Variants in TGIF2 observed in about 807,000 individuals in gnomAD.
TGIF2 encodes homeobox protein TGIF2.
TGIF2 carries 5 observed loss-of-function variants against 15.1 expected under a neutral mutation model. The observed-to-expected ratio is 0.33, with a 90% CI of 0.17 to 0.70. The LOEUF (loss-of-function observed/expected upper bound fraction) is 0.70. Among genes scored for constraint, TGIF2 ranks in the 30% least tolerant of loss-of-function variants. The pLI, the probability that TGIF2 is intolerant of heterozygous loss-of-function variation, is 0.67. For synonymous variants in TGIF2, 131 were observed against 128.9 expected (o/e 1.02, Z -0.11); for missense variants, 264 against 302.5 (o/e 0.87, Z 0.94).
chr20:36,577,381 T>G (rs1257186504), intron 1 of TGIF2, among the ~76,000 whole-genome samples: 1 of 128,010 alleles, frequency 7.8e-6, no homozygotes, highest in Non-Finnish European at 1.7e-5. Flanking sequence ...TTTTTTTTTT[T>G]GGTATTTTTA....
intron 2 of TGIF2, among the ~76,000 whole-genome samples, chr20:36,587,752 T>A (rs76409697): frequency 0.018 from 2,706 of 152,124 alleles, 103 homozygotes; most frequent in African/African-American, 0.062. Flanking sequence ...ATTGAATGAA[T>A]AATTAGATAT....
At chr20:36,580,794 A>T (rs2038528653) in intron 2 of TGIF2, among the ~76,000 whole-genome samples, 1 of 129,484 alleles carries the variant, frequency 7.7e-6, no homozygotes. Context: ...AGACTGGGCG[A>T]AGGAGTGAGA....
intron 2 of TGIF2, 97 bp from the exon 3 acceptor site, chr20:36,590,813 C>T: frequency 7.4e-7 from 1 of 1,354,200 alleles, no homozygotes; most frequent in African/African-American, 1.4e-5. Context: ...CCCGCCTTGG[C>T]CACCCAAAGT....
rs569379763 is a variant in TGIF2, at chr20:36,591,125, A to C, written c.408A>C (p.Ser136=). 6.2e-7 allele frequency: 1 copy of C among 1,612,626 alleles called. No individual in the cohort carries two copies. The highest frequency in any genetic ancestry group is 8.5e-7 in the Non-Finnish European group (1 of 1,178,932). Residue 136 remains serine, a synonymous_variant, in exon 3 of 3, where the codon TCA becomes TCC. Transcript: ENST00000373872. This position sits in a 1 kb window ranked among gnomAD's most constrained non-coding sequence, Gnocchi z 5.3. ...CTGTGTGCTCCATGCCGCTTCACTCAGGCCAGGGGGAAAAGCCAGCAGCCC... is the reference window on the plus strand; with the variant it reads ...CTGTGTGCTCCATGCCGCTTCACTCCGGCCAGGGGGAAAAGCCAGCAGCCC... ...SLSVCSMPLH[S]GQGEKPAAPF...
chr20:36,577,863 A>G (rs956755793), intron 1 of TGIF2, among the ~76,000 whole-genome samples: 1 of 152,016 alleles, frequency 6.6e-6, no homozygotes, highest in Non-Finnish European at 1.5e-5. Flanking sequence ...GCTGAAGTGC[A>G]GTGGCACAAA....
intron 2 of TGIF2, among the ~76,000 whole-genome samples, chr20:36,580,730 C>T (rs1040600624): frequency 7.0e-5 from 10 of 141,998 alleles, no homozygotes; most frequent in African/African-American, 2.6e-4. Context: ...GGAAGGATTA[C>T]TTGAGCCCTG....
intron 1 of TGIF2, among the ~76,000 whole-genome samples, chr20:36,577,092 A>G (rs952761807): frequency 6.6e-6 from 1 of 152,104 alleles, no homozygotes; most frequent in Non-Finnish European, 1.5e-5. Flanking sequence ...AGCTCACTAC[A>G]GCCTTGAACT....
intron 2 of TGIF2, among the ~76,000 whole-genome samples, chr20:36,588,815 A>G (rs563675033): frequency 1.3e-5 from 2 of 152,314 alleles, no homozygotes; most frequent in South Asian, 2.1e-4. Context: ...TTAGGAGAAA[A>G]GACAGGACCA....
At position 36,591,551 on chromosome 20, in the gene TGIF2, T is replaced by G; in HGVS notation, c.*120T>G. On this transcript the variant is annotated 3_prime_UTR_variant, in exon 3 of 3. Coordinates refer to ENST00000373872, the MANE Select transcript of TGIF2 (RefSeq NM_021809.7). The surrounding 1 kb of genome is among the most constrained non-coding windows in gnomAD (Gnocchi z 5.3). ...CCAAACATTGGGATCATCTCCTCTG[T>G]CCAGAGGTCTTCAACAGGAAGATGC... The G allele has an allele frequency of 1.7e-6, 2 of 1,158,484 alleles. No individual in the cohort carries two copies. The highest frequency in any genetic ancestry group is 2.4e-6 in the Non-Finnish European group (2 of 820,248). 71.8% of individuals were successfully genotyped at this position (1,158,484 alleles called of 1,614,324 possible).
chr20:36,581,722 G>A (rs552807022), intron 2 of TGIF2, among the ~76,000 whole-genome samples: 12 of 152,138 alleles, frequency 7.9e-5, no homozygotes, highest in East Asian at 3.9e-4. Context: ...TCTGCCTCCC[G>A]GGTTCAAGTG....
Position 36,591,397 on chromosome 20 carries a change from C to G in TGIF2, c.680C>G (p.Thr227Ser), listed in dbSNP as rs2038767622. Residue 227 changes from threonine to serine, a missense_variant, in exon 3 of 3, where the codon ACT (threonine) becomes AGT (serine). Transcript: ENST00000373872. The surrounding 1 kb of genome is among the most constrained non-coding windows in gnomAD (Gnocchi z 5.3). ...QQDPSLPLLH[T>S]PIPLVSENPQ ...GACCCATCACTCCCATTACTGCACA[C>G]TCCCATCCCTTTAGTCTCTGAAAAT... 6.2e-7 allele frequency: 1 copy of G among 1,612,608 alleles called. No homozygotes were observed. The highest frequency in any genetic ancestry group is 8.5e-7 in the Non-Finnish European group (1 of 1,178,790).
In TGIF2 at chr20:36,593,796, G is replaced by A. The variant is rs573471801; in HGVS notation, c.*2365G>A. On this transcript the variant is annotated 3_prime_UTR_variant, in exon 3 of 3. Transcript: ENST00000373872. ...GCATTTCCCCATTATGTAAAATGGG[G>A]TGTTGGGTAGGGCAGACTCTGCTTG... is the stretch of plus-strand genomic sequence containing the variant. 1.7e-4 allele frequency: 26 copies of A among 152,772 alleles called. No individual in the cohort carries two copies. The highest frequency in any genetic ancestry group is 5.8e-4 in the African/African-American group (24 of 41,570). The allele number at this position is 152,772 out of a possible 1,614,324, so 9.5% of individuals were successfully genotyped here.
At chr20:36,581,786 G>A (rs535132029) in intron 2 of TGIF2, among the ~76,000 whole-genome samples, 48 of 151,998 alleles carry the variant, frequency 3.2e-4, no homozygotes, top group Middle Eastern at 6.8e-3. Context: ...ATGCCCCTAC[G>A]CCCAGCTAAT....
At chr20:36,581,948 T>C (rs2038553940) in intron 2 of TGIF2, among the ~76,000 whole-genome samples, 1 of 150,908 alleles carries the variant, frequency 6.6e-6, no homozygotes, top group African/African-American at 2.4e-5. Flanking sequence ...AAAGAAAACA[T>C]TTTTCGGCCG....
intron 2 of TGIF2, among the ~76,000 whole-genome samples, chr20:36,589,920 C>T (rs188540761): frequency 1.4e-4 from 21 of 152,192 alleles, no homozygotes; most frequent in African/African-American, 3.6e-4. Flanking sequence ...AACTCCTGAG[C>T]GAAAGCCATC....
chr20:36,573,923 C>T (rs1251130440), intron 1 of TGIF2, among the ~76,000 whole-genome samples, 178 bp downstream of exon 1: 1 of 151,560 alleles, frequency 6.6e-6, no homozygotes, highest in African/African-American at 2.4e-5. Context: ...TTGTGAGTCC[C>T]GACGGCGCTG....
chr20:36,579,509 G>A (rs1295235331), intron 2 of TGIF2, among the ~76,000 whole-genome samples: 1 of 152,166 alleles, frequency 6.6e-6, no homozygotes. Flanking sequence ...GGAATTTAAT[G>A]TTGTCAAAGT....
Position 36,593,170 on chromosome 20 carries a change from T to C in TGIF2, c.*1739T>C, listed in dbSNP as rs538896959. ...CTAGCCAAAATATTTTTGTCCTGAG[T>C]AGTGTCACTGGGCCAAAAGATAGAT... On this transcript the variant is annotated 3_prime_UTR_variant, in exon 3 of 3. Coordinates refer to ENST00000373872, the MANE Select transcript of TGIF2 (RefSeq NM_021809.7). 2 of 152,564 alleles carry C rather than the reference T, an allele frequency of 1.3e-5. No individual in the cohort carries two copies. Among genetic ancestry groups the C allele is most frequent in the African/African-American group, 2.4e-5 (1 of 41,420 alleles). 9.5% of individuals were successfully genotyped at this position (152,564 alleles called of 1,614,324 possible).
At chr20:36,575,579 T>A (rs1008324760) in intron 1 of TGIF2, among the ~76,000 whole-genome samples, 10 of 152,136 alleles carry the variant, frequency 6.6e-5, no homozygotes, top group African/African-American at 2.4e-4. Context: ...GTCTAACCAG[T>A]GCCTGTCTCA....
Sources: gnomAD v4.1 joint callset for allele counts (sites outside exome capture counted in the v4.1 genomes callset) on GRCh38, gnomAD v4.1.1 for gene constraint, Gnocchi (gnomAD v3.1) non-coding constraint, MANE v1.5 for transcripts, NCBI Gene and HGNC (gene_info 2026-07-23, HGNC 2026-07-21) for gene names.